DIP2C: variants seen among roughly 807,000 people sequenced by gnomAD.
The protein encoded by DIP2C is disco-interacting protein 2 homolog C.
A neutral mutation model predicts 192.4 loss-of-function variants in DIP2C; 33 were observed. That is an observed-to-expected ratio of 0.17 (90% confidence interval 0.13 to 0.23). The LOEUF (loss-of-function observed/expected upper bound fraction) is 0.23. DIP2C is among the 10% of genes least tolerant of loss of function. The pLI, the probability that DIP2C is intolerant of heterozygous loss-of-function variation, is 1.00. For synonymous variants in DIP2C, 979 were observed against 864.1 expected, an observed-to-expected ratio of 1.13 and a Z score of -2.33; for missense variants, 1,537 against 2,110.1, an observed-to-expected ratio of 0.73 and a Z score of 5.32.
At chr10:523,483 AGG>A (rs1395827364) in intron 1 of DIP2C, among the ~76,000 whole-genome samples, 3 of 126,856 alleles carry the variant, frequency 2.4e-5, no homozygotes, top group East Asian at 2.6e-4. Context: ...CCCTGGAGTG[AGG>A]ATGCAGGGAC....
chr10:583,575 T>C (rs1317245484), intron 1 of DIP2C, among the ~76,000 whole-genome samples: 1 of 152,164 alleles, frequency 6.6e-6, no homozygotes, highest in Non-Finnish European at 1.5e-5. Context: ...CCCTCTTGTG[T>C]CCCACAGCCT....
chr10:345,575 GAC>G (rs1958413575), intron 26 of DIP2C, among the ~76,000 whole-genome samples: 4 of 136,060 alleles, frequency 2.9e-5, no homozygotes, highest in Admixed American at 2.9e-4. Context: ...CCCCAACCCA[GAC>G]ACACTGCGCA....
intron 1 of DIP2C, among the ~76,000 whole-genome samples, chr10:559,743 C>T (rs1010137948): frequency 2.6e-5 from 4 of 152,172 alleles, no homozygotes; most frequent in Non-Finnish European, 5.9e-5. Context: ...CACAAGCCCT[C>T]ACAACCCACC....
chr10:625,587 C>T (rs1588629661), intron 1 of DIP2C, among the ~76,000 whole-genome samples: 1 of 152,190 alleles, frequency 6.6e-6, no homozygotes, highest in Non-Finnish European at 1.5e-5. Context: ...CACAGCAGAG[C>T]AGGCTCGGGG....
chr10:516,055 G>A (rs1034395959), intron 1 of DIP2C, among the ~76,000 whole-genome samples: 1 of 151,292 alleles, frequency 6.6e-6, no homozygotes, highest in Non-Finnish European at 1.5e-5. Flanking sequence ...CCAGTGGGAT[G>A]GTTTCCACTT....
intron 1 of DIP2C, among the ~76,000 whole-genome samples, chr10:571,908 A>G (rs1279211094): frequency 6.6e-6 from 1 of 152,224 alleles, no homozygotes; most frequent in Non-Finnish European, 1.5e-5. Flanking sequence ...CAGCTTCCAA[A>G]AACTGTCCAT....
In DIP2C at chr10:347,266, G is replaced by C. The variant is rs549101442; in HGVS notation, c.3231+1375C>G. The stretch of plus-strand genomic sequence containing the variant: ...GGAAACCCCACACGCACCCAACCCA[G>C]ACACATCACGCATAGTTCTCCCGGG... On this transcript the variant is annotated intron_variant, in intron 26 of 36. Coordinates refer to ENST00000280886, the MANE Select transcript of DIP2C (RefSeq NM_014974.3). Among the ~76,000 whole-genome samples, 36 of 114,468 alleles carry C rather than the reference G, an allele frequency of 3.1e-4. 1 individual carries two copies. The highest frequency in any genetic ancestry group is 1.4e-3 in the African/African-American group (36 of 26,426). The allele number at this position is 114,468 out of a possible 152,430, so 75.1% of individuals were successfully genotyped here.
intron 3 of DIP2C, among the ~76,000 whole-genome samples, chr10:459,688 C>T (rs116289137): frequency 6.0e-5 from 9 of 149,892 alleles, no homozygotes; most frequent in African/African-American, 1.2e-4. Flanking sequence ...GCGTGCTGCA[C>T]GTGGGCTCTA....
chr10:337,280 GTT>G (rs2132522996), intron 29 of DIP2C, among the ~76,000 whole-genome samples: 1 of 147,206 alleles, frequency 6.8e-6, no homozygotes, highest in African/African-American at 2.5e-5. Flanking sequence ...GTGTGTGTGT[GTT>G]CTGTGGAGGC....
intron 18 of DIP2C, among the ~76,000 whole-genome samples, chr10:366,758 G>A (rs950948988): frequency 3.3e-5 from 5 of 152,200 alleles, no homozygotes; most frequent in Non-Finnish European, 5.9e-5. Context: ...CATCAGCAAC[G>A]TGGTGCAACT....
Position 363,038 on chromosome 10 carries a change from A to C in DIP2C, c.2592+159T>G, listed in dbSNP as rs575260369. Among the ~76,000 whole-genome samples the C allele has an allele frequency of 6.6e-6, 1 of 152,288 alleles. No homozygotes were observed. The highest frequency in any genetic ancestry group is 2.1e-4 in the South Asian group (1 of 4,812). On this transcript the variant is annotated intron_variant, in intron 21 of 36. Transcript: ENST00000280886. The surrounding 1 kb of genome is among the most constrained non-coding windows in gnomAD (Gnocchi z 5.4). ...CCCTACACCCTCGATCTGCTGAGCT[A>C]GTTTCTGGACACTTGATGTAGTTCC...
At chr10:346,540 C>T (rs1958471494) in intron 26 of DIP2C, among the ~76,000 whole-genome samples, 2 of 143,868 alleles carry the variant, frequency 1.4e-5, no homozygotes, top group African/African-American at 2.6e-5. Flanking sequence ...AAACCCCACA[C>T]TCACCCAACC....
chr10:493,524 G>A (rs371646637), intron 1 of DIP2C, among the ~76,000 whole-genome samples: 18 of 152,138 alleles, frequency 1.2e-4, no homozygotes, highest in African/African-American at 3.9e-4. Flanking sequence ...TCGAGAAGCT[G>A]ACGTGTAGAA....
chr10:348,578 G>A lies in DIP2C; in HGVS notation c.3231+63C>T, dbSNP rs555077366. The A allele has an allele frequency of 2.2e-4, 344 of 1,576,532 alleles. 2 individuals are homozygous for A. In the East Asian group the frequency reaches 4.5e-3, roughly 20 times the overall value. On this transcript the variant is annotated intron_variant, in intron 26 of 36. Coordinates refer to ENST00000280886, the MANE Select transcript of DIP2C (RefSeq NM_014974.3). The stretch of plus-strand genomic sequence containing the variant: ...TGCCCCAAGAGATGTCAGAGTCTGC[G>A]CGTTGCAAGCTCCACACTCAGCTCC...
chr10:508,932 T>C (rs965285109), intron 1 of DIP2C, among the ~76,000 whole-genome samples: 10 of 152,098 alleles, frequency 6.6e-5, no homozygotes, highest in African/African-American at 2.2e-4. Context: ...ACCTCCAGGG[T>C]CAGCCACCTG....
intron 1 of DIP2C, among the ~76,000 whole-genome samples, chr10:565,087 T>C (rs973798899): frequency 1.3e-5 from 2 of 152,100 alleles, no homozygotes; most frequent in African/African-American, 2.4e-5. Context: ...GAGAGGGCGG[T>C]TCCATCACTC....
intron 1 of DIP2C, among the ~76,000 whole-genome samples, chr10:595,756 T>TA (rs1415212749): frequency 6.6e-6 from 1 of 152,172 alleles, no homozygotes; most frequent in Non-Finnish European, 1.5e-5. Flanking sequence ...AAGTCAGGTT[T>TA]TTTCAATAAG....
At chr10:308,621 T>C (rs1956433922) in intron 32 of DIP2C, among the ~76,000 whole-genome samples, 1 of 152,248 alleles carries the variant, frequency 6.6e-6, no homozygotes, top group South Asian at 2.1e-4. Flanking sequence ...ACATTTCTGA[T>C]TTTTCTAAGT....
chr10:315,111 G>A (rs980338297), intron 31 of DIP2C, among the ~76,000 whole-genome samples: 1 of 152,138 alleles, frequency 6.6e-6, no homozygotes, highest in African/African-American at 2.4e-5. Flanking sequence ...TTCACACAGT[G>A]TTATGTGCTA....
Sources: gnomAD v4.1 joint callset for allele counts (sites outside exome capture counted in the v4.1 genomes callset) on GRCh38, gnomAD v4.1.1 for gene constraint, Gnocchi (gnomAD v3.1) non-coding constraint, MANE v1.5 for transcripts, NCBI Gene and HGNC (gene_info 2026-07-23, HGNC 2026-07-21) for gene names.